ANKS1B: variants seen among roughly 807,000 people sequenced by gnomAD.
The protein encoded by ANKS1B is ankyrin repeat and sterile alpha motif domain containing 1B.
In ANKS1B, 36 loss-of-function variants were observed where a neutral mutation model predicts 148.3. The ratio of observed to expected loss-of-function variants is 0.24; its 90% CI spans 0.19 to 0.32. The LOEUF is 0.32. ANKS1B is among the 10% of genes least tolerant of loss of function. The pLI is 1.00. For synonymous variants in ANKS1B, 542 were observed against 560.8 expected, an observed-to-expected ratio of 0.97 and a Z score of 0.47; for missense variants, 1,157 against 1,542.6, an observed-to-expected ratio of 0.75 and a Z score of 4.19.
Position 99,296,397 on chromosome 12 carries a change from T to A in ANKS1B, c.1757-49533A>T, listed in dbSNP as rs59202277. Among the ~76,000 whole-genome samples the A allele has an allele frequency of 3.0e-4, 46 of 152,326 alleles. No individual in the cohort carries two copies. The East Asian group carries it at 8.7e-3, about 29-fold the overall frequency. On this transcript the variant is annotated intron_variant, in intron 12 of 26. Coordinates refer to ENST00000683438, the MANE Select transcript of ANKS1B (RefSeq NM_001352186.2). ...TTGGGTTGGCATCTTTTCTGGTCTTTTAAAATTAAAAGCTTATCATCACTT... is the reference window on the plus strand; with the variant it reads ...TTGGGTTGGCATCTTTTCTGGTCTTATAAAATTAAAAGCTTATCATCACTT...
chr12:99,140,373 T>C (rs1011912217), intron 15 of ANKS1B, among the ~76,000 whole-genome samples: 2 of 152,232 alleles, frequency 1.3e-5, no homozygotes, highest in African/African-American at 4.8e-5. Context: ...GGTTTATGGA[T>C]ATTTCAGTAT....
chr12:99,832,693 C>A (rs1434688027), intron 1 of ANKS1B, among the ~76,000 whole-genome samples: 1 of 150,708 alleles, frequency 6.6e-6, no homozygotes. Context: ...CACTGTACTC[C>A]AGCCTGGATG....
chr12:99,741,706 G>A (rs1227063415), intron 8 of ANKS1B, among the ~76,000 whole-genome samples: 4 of 152,042 alleles, frequency 2.6e-5, no homozygotes, highest in Non-Finnish European at 5.9e-5. Flanking sequence ...GAGAACATAT[G>A]GACACAGGGA....
intron 17 of ANKS1B, among the ~76,000 whole-genome samples, chr12:98,955,472 A>G (rs1421355134): frequency 6.6e-6 from 1 of 152,142 alleles, no homozygotes; most frequent in Non-Finnish European, 1.5e-5. Flanking sequence ...TGGCTGCAAT[A>G]TTGAGAAAAG....
At chr12:99,657,915 A>T in intron 8 of ANKS1B, among the ~76,000 whole-genome samples, 1 of 150,552 alleles carries the variant, frequency 6.6e-6, no homozygotes, top group South Asian at 2.1e-4. Context: ...AAAAAAAAAA[A>T]AAAAAAAGCT....
chr12:99,562,607 A>G (rs956114670), intron 9 of ANKS1B, among the ~76,000 whole-genome samples: 3 of 152,204 alleles, frequency 2.0e-5, no homozygotes, highest in Non-Finnish European at 4.4e-5. Flanking sequence ...GAAACTTACA[A>G]TCATGGTGGA....
rs141888841 is a variant in ANKS1B at position 99,036,318 on chromosome 12, GT to G, written c.2778+16838del. Among the ~76,000 whole-genome samples the G allele has an allele frequency of 3.2e-3, 467 of 146,914 alleles. 3 individuals carry two copies. Among genetic ancestry groups the G allele is most frequent in the African/African-American group, 0.01 (409 of 40,350 alleles). ...ATATGGAAATAAAAAAGAATGGGAG[GT>G]TTTTTTTTTTCTTAAGCAAAAGGAA... On this transcript the variant is annotated intron_variant, in intron 17 of 26. Transcript: ENST00000683438.
At chr12:99,258,909 T>C (rs890530746) in intron 12 of ANKS1B, among the ~76,000 whole-genome samples, 4 of 152,178 alleles carry the variant, frequency 2.6e-5, no homozygotes, top group African/African-American at 9.6e-5. Flanking sequence ...AAGACCAAGA[T>C]TCCATACTAG....
chr12:99,301,652 C>A (rs2081628744), intron 12 of ANKS1B, among the ~76,000 whole-genome samples: 1 of 152,076 alleles, frequency 6.6e-6, no homozygotes, highest in Non-Finnish European at 1.5e-5. Context: ...ATGAACCAGG[C>A]ACTGAGTGAG....
intron 17 of ANKS1B, among the ~76,000 whole-genome samples, chr12:98,952,262 G>T (rs1013129515): frequency 1.3e-5 from 2 of 152,174 alleles, no homozygotes; most frequent in African/African-American, 4.8e-5. Context: ...GAGGTGAGAG[G>T]TTAAAGTGGG....
chr12:98,905,162 G>C (rs183517682), intron 17 of ANKS1B, among the ~76,000 whole-genome samples: 1 of 152,268 alleles, frequency 6.6e-6, no homozygotes, highest in Admixed American at 6.5e-5. Context: ...CTAGCTCAAG[G>C]CCACACAGCT....
At chr12:98,798,362 C>T (rs1171697840) in intron 22 of ANKS1B, among the ~76,000 whole-genome samples, 1 of 151,872 alleles carries the variant, frequency 6.6e-6, no homozygotes, top group African/African-American at 2.4e-5. Context: ...CTCAGGTGAT[C>T]CACCCACCTT....
Position 98,773,139 on chromosome 12 carries a change from G to A in ANKS1B, c.3482C>T (p.Ala1161Val). 1 of 1,611,182 alleles carries A rather than the reference G, an allele frequency of 6.2e-7. No individual in the cohort carries two copies. The highest frequency in any genetic ancestry group is 8.5e-7 in the Non-Finnish European group (1 of 1,179,140). ...AEHEIRNISC[A>V]AQDPEDLSTF... ...TGAGAGGTCTTCTGGGTCCTGGGCA[G>A]CACAGGAGATATTACGAATTTCATG... Residue 1161 changes from alanine to valine, a missense_variant, in exon 25 of 27, where the codon GCT becomes GTT. By Grantham distance (64) the Ala-to-Val change is moderately conservative. Coordinates refer to ENST00000683438, the MANE Select transcript of ANKS1B (RefSeq NM_001352186.2).
chr12:99,963,857 G>C (rs1387152889), intron 1 of ANKS1B, among the ~76,000 whole-genome samples: 1 of 152,094 alleles, frequency 6.6e-6, no homozygotes, highest in African/African-American at 2.4e-5. Flanking sequence ...ATCATAGTGG[G>C]AATATCATAT....
chr12:98,968,486 G>C (rs1231670841), intron 17 of ANKS1B, among the ~76,000 whole-genome samples: 1 of 152,146 alleles, frequency 6.6e-6, no homozygotes. Flanking sequence ...AAAAAAATTA[G>C]GAAGGTCAGG....
chr12:99,723,475 G>A lies in ANKS1B; in HGVS notation c.1128+49447C>T, dbSNP rs539201254. Among the ~76,000 whole-genome samples the A allele has an allele frequency of 2.0e-5, 3 of 152,256 alleles. No individual in the cohort carries two copies. The South Asian group carries it at 6.2e-4, about 32-fold the overall frequency. ...AACTCCAACTCCAGGCAGGGGCTCA[G>A]GCACAAAGCTCTGATCTCCCTGGCC... On this transcript the variant is annotated intron_variant, in intron 8 of 26. Transcript: ENST00000683438.
chr12:99,054,865 A>G (rs370093109), intron 16 of ANKS1B, among the ~76,000 whole-genome samples: 25 of 152,350 alleles, frequency 1.6e-4, no homozygotes, highest in Middle Eastern at 3.4e-3. Context: ...CTCTATTTTA[A>G]AGTTAGAGTA....
intron 17 of ANKS1B, among the ~76,000 whole-genome samples, chr12:98,838,462 T>G (rs1225257101): frequency 1.3e-5 from 2 of 152,204 alleles, no homozygotes; most frequent in Non-Finnish European, 2.9e-5. Flanking sequence ...ATTTTGCATT[T>G]TGTTATGTTT....
chr12:99,243,779 G>A (rs2089788047), intron 14 of ANKS1B, among the ~76,000 whole-genome samples: 1 of 152,114 alleles, frequency 6.6e-6, no homozygotes, highest in Non-Finnish European at 1.5e-5. Flanking sequence ...CACAAGGACA[G>A]AAAACCAAAC....
Sources: allele counts gnomAD v4.1 joint callset (sites outside exome capture counted in the v4.1 genomes callset), GRCh38; gene constraint gnomAD v4.1.1; transcripts MANE v1.5; gene names NCBI Gene and HGNC (gene_info 2026-07-23, HGNC 2026-07-21).